The following WSCD2 variants were observed in gnomAD, a reference collection of about 807,000 sequenced individuals.
The protein encoded by WSCD2 is WSC domain sialate O sulfotransferase 2.
In WSCD2, 28 loss-of-function variants were observed where a neutral mutation model predicts 55.7. That is an observed-to-expected ratio of 0.50 (90% CI 0.37 to 0.69). The LOEUF is 0.69. Among genes scored for constraint, WSCD2 ranks in the 30% least tolerant of loss-of-function variants. WSCD2 has a pLI of 0.00. For missense variants in WSCD2, 616 were observed against 762.1 expected (o/e 0.81, Z 2.26); for synonymous variants, 301 against 301.9 (o/e 1.00, Z 0.03).
intron 1 of WSCD2, among the ~76,000 whole-genome samples, chr12:108,130,203 G>A (rs770711318): frequency 1.3e-5 from 2 of 152,214 alleles, no homozygotes; most frequent in African/African-American, 2.4e-5. Flanking sequence ...GCCCCCTACA[G>A]GCATGCATTC....
At position 108,183,082 on chromosome 12, in the gene WSCD2, C is replaced by A. The variant is rs148854498; in HGVS notation, c.-551-12200C>A. Among the ~76,000 whole-genome samples, 82 of 152,326 alleles carry A rather than the reference C, an allele frequency of 5.4e-4. 1 individual carries two copies. Among genetic ancestry groups the A allele is most frequent in the African/African-American group, 1.9e-3 (77 of 41,574 alleles). On this transcript the variant is annotated intron_variant, in intron 1 of 8. Transcript: ENST00000547525. ...GCCAGGGATGCTATCAACCACCCTACAATGCACAGAACAGCTCTCCTCAAC... is the reference window on the plus strand; with the variant it reads ...GCCAGGGATGCTATCAACCACCCTAAAATGCACAGAACAGCTCTCCTCAAC...
chr12:108,215,130 C>T (rs1886678019), intron 4 of WSCD2, among the ~76,000 whole-genome samples: 1 of 152,316 alleles, frequency 6.6e-6, no homozygotes. Flanking sequence ...CCCATGAGCT[C>T]TTCTCTGTAG....
chr12:108,184,550 A>C (rs1882215743), intron 1 of WSCD2, among the ~76,000 whole-genome samples: 1 of 152,158 alleles, frequency 6.6e-6, no homozygotes. Flanking sequence ...GCCAGGGAGC[A>C]GCGTGTGCTC....
chr12:108,156,314 T>C (rs1261156067), intron 1 of WSCD2, among the ~76,000 whole-genome samples: 1 of 152,194 alleles, frequency 6.6e-6, no homozygotes, highest in Non-Finnish European at 1.5e-5. Context: ...TTTCCTCCTC[T>C]GTACAATGGG....
At chr12:108,218,035 C>T (rs923678426) in intron 4 of WSCD2, among the ~76,000 whole-genome samples, 7 of 152,194 alleles carry the variant, frequency 4.6e-5, no homozygotes, top group Non-Finnish European at 7.4e-5. Context: ...GGGTCTCCCC[C>T]TCTTTTCAGT....
At chr12:108,166,990 T>G (rs2136957320) in intron 1 of WSCD2, among the ~76,000 whole-genome samples, 1 of 151,962 alleles carries the variant, frequency 6.6e-6, no homozygotes, top group South Asian at 2.1e-4. Context: ...TTTTGTATTT[T>G]TAGTAGAGGC....
At chr12:108,164,793 A>G (rs754758854) in intron 1 of WSCD2, among the ~76,000 whole-genome samples, 77 of 152,172 alleles carry the variant, frequency 5.1e-4, no homozygotes, top group Non-Finnish European at 8.4e-4. Context: ...TGTGTGGGTC[A>G]CAATGCTTAG....
At chr12:108,237,257 G>C (rs1000702550) in intron 7 of WSCD2, among the ~76,000 whole-genome samples, 1 of 152,156 alleles carries the variant, frequency 6.6e-6, no homozygotes, top group African/African-American at 2.4e-5. Context: ...TATAGTAACA[G>C]AGGTTTGGAA....
At chr12:108,164,161 T>TTTTTTTTTTTTTTTTTTTTTGG (rs1555224811) in intron 1 of WSCD2, among the ~76,000 whole-genome samples, 2 of 145,982 alleles carry the variant, frequency 1.4e-5, no homozygotes. Flanking sequence ...TTTTTTTTTT[T>TTTTTTTTTTTTTTTTTTTTTGG]TCAGAGAGGG....
chr12:108,195,747 A>C lies in WSCD2; in HGVS notation c.-86A>C. On this transcript the variant is annotated 5_prime_UTR_variant, in exon 2 of 9. It removes the in-frame stop codon of an upstream open reading frame in the 5' UTR. Coordinates refer to ENST00000547525, the MANE Select transcript of WSCD2 (RefSeq NM_014653.4). Reference sequence around the variant, plus strand: ...AGGACCCCCAAGTGTTCCATCCCTAAGGAAAGCTTGGGAAACCAAGCCCCT... The same window carrying C: ...AGGACCCCCAAGTGTTCCATCCCTACGGAAAGCTTGGGAAACCAAGCCCCT... 6.6e-7 allele frequency: 1 copy of C among 1,510,270 alleles called. No individual in the cohort carries two copies. Among genetic ancestry groups the C allele is most frequent in the Non-Finnish European group, 8.9e-7 (1 of 1,128,078 alleles). The allele number at this position is 1,510,270 out of a possible 1,614,324, so 93.6% of individuals were successfully genotyped here.
chr12:108,235,223 A>T (rs1459998330), intron 7 of WSCD2, among the ~76,000 whole-genome samples: 4 of 152,192 alleles, frequency 2.6e-5, no homozygotes, highest in Non-Finnish European at 4.4e-5. Context: ...ATATAACAAG[A>T]TAATGTTTGT....
chr12:108,172,613 A>G (rs1452098328), intron 1 of WSCD2, among the ~76,000 whole-genome samples: 1 of 152,130 alleles, frequency 6.6e-6, no homozygotes, highest in Non-Finnish European at 1.5e-5. Context: ...GAAGACAGAG[A>G]AAAAAATTGG....
intron 1 of WSCD2, among the ~76,000 whole-genome samples, chr12:108,145,141 C>T (rs1877252347): frequency 6.6e-6 from 1 of 152,220 alleles, no homozygotes; most frequent in African/African-American, 2.4e-5. Flanking sequence ...CTTAAACACA[C>T]CTTGCTGCCT....
chr12:108,140,119 G>A (rs11609709), intron 1 of WSCD2, among the ~76,000 whole-genome samples: 25,051 of 152,108 alleles, frequency 0.16, 2,520 homozygotes, highest in Non-Finnish European at 0.22. Context: ...GCATCATCCC[G>A]AGTCACGCCC....
At chr12:108,235,621 A>G (rs926542420) in intron 7 of WSCD2, among the ~76,000 whole-genome samples, 1 of 152,142 alleles carries the variant, frequency 6.6e-6, no homozygotes, top group African/African-American at 2.4e-5. Context: ...TGAGACACCT[A>G]CTAAAACTTT....
chr12:108,248,951 G>A lies in WSCD2; in HGVS notation c.*608G>A, dbSNP rs762924839. The A allele has an allele frequency of 4.1e-6, 4 of 981,304 alleles. No individual in the cohort carries two copies. In the East Asian group the frequency reaches 4.5e-4, roughly 112 times the overall value. 60.8% of individuals were successfully genotyped at this position (981,304 alleles called of 1,614,324 possible). ...AATGGTGCTCACAGTAGGTTAATTG[G>A]AGACACCATGTGGGGCCATTGGTGT... On this transcript the variant is annotated 3_prime_UTR_variant, in exon 9 of 9. Transcript: ENST00000547525. The surrounding 1 kb of genome is among the most constrained non-coding windows in gnomAD (Gnocchi z 4.3).
intron 8 of WSCD2, among the ~76,000 whole-genome samples, chr12:108,243,212 G>C (rs868637960): frequency 6.6e-6 from 1 of 152,226 alleles, no homozygotes; most frequent in Admixed American, 6.5e-5. Flanking sequence ...TGGGGCTCCA[G>C]AAATCTGTGT....
At chr12:108,188,258 G>A (rs917268896) in intron 1 of WSCD2, among the ~76,000 whole-genome samples, 3 of 152,144 alleles carry the variant, frequency 2.0e-5, no homozygotes, top group Non-Finnish European at 4.4e-5. Flanking sequence ...CTTTCTGGAG[G>A]TGGGGTGAGC....
chr12:108,197,056 C>CTACCCATCCAACCAGCA, intron 2 of WSCD2: 1 of 152,310 alleles, frequency 6.6e-6, no homozygotes, highest in Admixed American at 6.5e-5. Context: ...CCACTGGCAT[C>CTACCCATCCAACCAGCA]TACCCATCCA....
Sources: allele counts gnomAD v4.1 joint callset (sites outside exome capture counted in the v4.1 genomes callset), GRCh38; gene constraint gnomAD v4.1.1; non-coding constraint Gnocchi (gnomAD v3.1); transcripts MANE v1.5; gene names NCBI Gene and HGNC (gene_info 2026-07-23, HGNC 2026-07-21).